The following RIN2 variants were observed in gnomAD, a reference collection of about 807,000 sequenced individuals.
RIN2 encodes Ras and Rab interactor 2, also known as RAB5 interacting protein 2.
Under a neutral mutation model 78.0 loss-of-function variants are expected in RIN2, and 36 were observed. That is an observed-to-expected ratio of 0.46 (90% CI 0.35 to 0.61). The LOEUF is 0.61. Among genes scored for constraint, RIN2 ranks in the 20% least tolerant of loss-of-function variants. The pLI is 0.00. For missense variants in RIN2, 1,087 were observed against 1,159.7 expected (o/e 0.94, Z 0.91); for synonymous variants, 466 against 466.8 (o/e 1.00, Z 0.02).
Position 19,975,115 on chromosome 20 carries a change from C to T in RIN2, c.1090C>T (p.Gln364Ter), listed in dbSNP as rs762305557. ...CATCCCTCCACCCCGGCTGAAGAAG[C>T]AGGCTTCTTTTCTGGAAGCAGAGGG... ...TPIPPPRLKK[Q>*]ASFLEAEGGA... Residue 364 changes from glutamine to a stop codon, truncating the protein, a stop_gained, in exon 9 of 13, where the codon CAG (glutamine) becomes TAG (stop). Transcript: ENST00000255006. LOFTEE classifies it high-confidence loss of function. This position sits in a 1 kb window ranked among gnomAD's most constrained non-coding sequence, Gnocchi z 4.9. 1 of 1,613,408 alleles carries T rather than the reference C, an allele frequency of 6.2e-7. No homozygotes were observed. The highest frequency in any genetic ancestry group is 8.5e-7 in the Non-Finnish European group (1 of 1,179,884).
In RIN2 at chr20:19,823,894, C is replaced by T. The variant is rs533110014; in HGVS notation, c.-37+24147C>T. 153 of 1,599,972 alleles carry T rather than the reference C, an allele frequency of 9.6e-5. No individual in the cohort carries two copies. The East Asian group carries it at 3.4e-3, about 35-fold the overall frequency. ...AGTGGCACCGACTTCACCTCCGGTG[C>T]ACCTCAGGTATACGACTTTGATCTC... On this transcript the variant is annotated intron_variant, in intron 2 of 12. Coordinates refer to ENST00000255006, the MANE Select transcript of RIN2 (RefSeq NM_018993.4).
At chr20:19,965,732 C>A (rs1050734292) in intron 7 of RIN2, among the ~76,000 whole-genome samples, 1 of 152,190 alleles carries the variant, frequency 6.6e-6, no homozygotes, top group African/African-American at 2.4e-5. Flanking sequence ...CCGACTCAGC[C>A]TCCTGAGTAG....
chr20:19,811,868 G>T (rs1199454272), intron 2 of RIN2, among the ~76,000 whole-genome samples: 1 of 151,498 alleles, frequency 6.6e-6, no homozygotes, highest in East Asian at 1.9e-4. Context: ...AGCTTTGTTT[G>T]GGTATAATTT....
intron 8 of RIN2, 99 bp downstream of exon 8, chr20:19,971,028 C>T: frequency 1.2e-6 from 1 of 846,144 alleles, no homozygotes; most frequent in Admixed American, 2.3e-5. Context: ...TCAATCTCTC[C>T]AGCTTCTCCA....
chr20:19,889,573 C>T lies in RIN2; in HGVS notation c.-29C>T, dbSNP rs777924295. 312 of 1,547,974 alleles carry T rather than the reference C, an allele frequency of 2.0e-4. No homozygotes were observed. Among genetic ancestry groups the T allele is most frequent in the Non-Finnish European group, 2.5e-4 (289 of 1,144,892 alleles). ...AAATGTCTCTACCTTCAGGAGTCCC[C>T]GGCGTGCAGTGGAGCCTCGCTGGGG... On this transcript the variant is annotated 5_prime_UTR_variant, in exon 3 of 13. Coordinates refer to ENST00000255006, the MANE Select transcript of RIN2 (RefSeq NM_018993.4).
chr20:19,936,199 CTTCCT>C (rs1040042735), intron 4 of RIN2, among the ~76,000 whole-genome samples: 7 of 152,262 alleles, frequency 4.6e-5, no homozygotes, highest in African/African-American at 1.7e-4. Flanking sequence ...TTCTCTGTGC[CTTCCT>C]TTCCTTTCCT....
At chr20:19,945,380 T>TGTGAAAGCCC (rs2041049446) in intron 4 of RIN2, among the ~76,000 whole-genome samples, 1 of 152,290 alleles carries the variant, frequency 6.6e-6, no homozygotes, top group East Asian at 1.9e-4. Context: ...GATGACTGAA[T>TGTGAAAGCCC]GTGAAAGCCC....
At chr20:19,990,671 T>C (rs1477302948) in intron 10 of RIN2, among the ~76,000 whole-genome samples, 1 of 152,028 alleles carries the variant, frequency 6.6e-6, no homozygotes, top group East Asian at 1.9e-4. Context: ...ACGCTGTAGT[T>C]TTCTGCGTCT....
At chr20:19,848,417 TC>T (rs1223004780) in intron 2 of RIN2, among the ~76,000 whole-genome samples, 1 of 151,438 alleles carries the variant, frequency 6.6e-6, no homozygotes, top group Non-Finnish European at 1.5e-5. Flanking sequence ...GTGCCTGTAA[TC>T]CCAGCTACTT....
chr20:19,960,072 G>A (rs188296244), intron 5 of RIN2, among the ~76,000 whole-genome samples: 1 of 152,312 alleles, frequency 6.6e-6, no homozygotes, highest in East Asian at 1.9e-4. Flanking sequence ...ACTTCAGAGT[G>A]CATCCACCCA....
chr20:19,814,377 C>T (rs991687745), intron 2 of RIN2, among the ~76,000 whole-genome samples: 6 of 151,960 alleles, frequency 3.9e-5, no homozygotes, highest in African/African-American at 1.5e-4. Context: ...TCCCCTCCTC[C>T]CACCCCCTCC....
intron 4 of RIN2, among the ~76,000 whole-genome samples, chr20:19,947,894 T>C (rs13040877): frequency 0.091 from 13,881 of 152,298 alleles, 680 homozygotes; most frequent in Non-Finnish European, 0.094. Context: ...CAGGTGTTGC[T>C]CTTCCAAGAG....
At position 19,974,761 on chromosome 20, in the gene RIN2, A is replaced by T. The variant is rs754383572; in HGVS notation, c.736A>T (p.Ile246Leu). The T allele has an allele frequency of 4.3e-6, 7 of 1,613,968 alleles. No homozygotes were observed. The highest frequency in any genetic ancestry group is 5.9e-6 in the Non-Finnish European group (7 of 1,179,900). Reference sequence around the variant, plus strand: ...TGCCTCCCTGCGTCAGCTCTGCCTTATAAATGGAGTGCATTCTATCAAAAC... The same window carrying T: ...TGCCTCCCTGCGTCAGCTCTGCCTTTTAAATGGAGTGCATTCTATCAAAAC... ...CPASLRQLCL[I>L]NGVHSIKTRT... Residue 246 changes from isoleucine (I) to leucine (L), a missense_variant, in exon 9 of 13, where the codon ATA (isoleucine) becomes TTA (leucine). Around this residue, in one of 8 missense-constraint regions of RIN2, gnomAD observed 706 missense variants for 667.5 expected, o/e 1.06. Transcript: ENST00000255006.
intron 1 of RIN2, among the ~76,000 whole-genome samples, chr20:19,794,532 C>CAAAAAAAAAAAAAAAAAAAAAAAAAAAAA (rs10530809): frequency 1.1e-5 from 1 of 88,596 alleles, no homozygotes; most frequent in Non-Finnish European, 2.2e-5. Flanking sequence ...ACCCTGTATC[C>CAAAAAAAAAAAAAAAAAAAAAAAAAAAAA]AAAAAAAAAA....
intron 1 of RIN2, among the ~76,000 whole-genome samples, chr20:19,797,635 A>T (rs2035099613): frequency 6.6e-6 from 1 of 152,172 alleles, no homozygotes. Context: ...CTTAATGTTT[A>T]TTGGGATGAT....
Position 19,996,833 on chromosome 20 carries a change from C to T in RIN2, c.2355C>T (p.Asp785=), listed in dbSNP as rs186967436. The change falls in exon 12 of 13, where the codon GAC becomes GAT. Residue 785 remains aspartate, a synonymous_variant. Transcript: ENST00000255006. ...CCAACCGGACCATCCCCTCTGTGGACGACTTCCAGGTGTGCAGCTGGCCAC... is the reference window on the plus strand; with the variant it reads ...CCAACCGGACCATCCCCTCTGTGGATGACTTCCAGGTGTGCAGCTGGCCAC... ...RTTNRTIPSV[D]DFQNYLRVAF... is the part of the protein sequence containing the mutation. The T allele has an allele frequency of 1.8e-4, 285 of 1,591,946 alleles. No individual in the cohort carries two copies. In the East Asian group the frequency reaches 6.0e-3, roughly 33 times the overall value.
At chr20:19,993,860 G>T (rs758986866) in intron 11 of RIN2, among the ~76,000 whole-genome samples, 1 of 152,120 alleles carries the variant, frequency 6.6e-6, no homozygotes, top group Non-Finnish European at 1.5e-5. Flanking sequence ...TTCGAGCTTC[G>T]ATCATGTTTA....
At chr20:19,927,180 A>T (rs1379701043) in intron 3 of RIN2, among the ~76,000 whole-genome samples, 4 of 152,242 alleles carry the variant, frequency 2.6e-5, no homozygotes, top group Admixed American at 2.0e-4. Context: ...ACATGAATCC[A>T]TTTTAAGTGT....
intron 2 of RIN2, among the ~76,000 whole-genome samples, chr20:19,854,684 C>T (rs2037107313): frequency 6.6e-6 from 1 of 152,090 alleles, no homozygotes; most frequent in Non-Finnish European, 1.5e-5. Context: ...CTCTGTTTGT[C>T]TGTTATTGGT....
Sources: gnomAD v4.1 joint callset for allele counts (sites outside exome capture counted in the v4.1 genomes callset) on GRCh38, gnomAD v4.1.1 for gene constraint, gnomAD v4.1.1 regional missense constraint, Gnocchi (gnomAD v3.1) non-coding constraint, MANE v1.5 for transcripts, NCBI Gene and HGNC (gene_info 2026-07-23, HGNC 2026-07-21) for gene names.